PIK3C2A: variants seen among roughly 807,000 people sequenced by gnomAD.
PIK3C2A encodes phosphatidylinositol-4-phosphate 3-kinase catalytic subunit type 2 alpha, also known as phosphatidylinositol 4-phosphate 3-kinase C2 domain-containing subunit alpha.
Under a neutral mutation model 204.5 loss-of-function variants are expected in PIK3C2A, and 97 were observed. The observed-to-expected ratio is 0.47, with a 90% CI of 0.40 to 0.56. The LOEUF (loss-of-function observed/expected upper bound fraction) is 0.56, where lower values mean the gene tolerates loss of function less well. PIK3C2A is among the 20% of genes least tolerant of loss of function. PIK3C2A has a pLI of 0.00. For synonymous variants in PIK3C2A, 653 were observed against 664.4 expected (o/e 0.98, Z 0.26); for missense variants, 1,735 against 1,969.2 (o/e 0.88, Z 2.25).
intron 1 of PIK3C2A, among the ~76,000 whole-genome samples, chr11:17,187,503 C>G (rs1851794734): frequency 6.6e-6 from 1 of 152,020 alleles, no homozygotes. Context: ...CTTTCATCAC[C>G]CCATAAAGAA....
rs1040124929 is a variant in PIK3C2A, at chr11:17,169,169, T to C, written c.573A>G (p.Gly191=). 1.9e-6 allele frequency: 3 copies of C among 1,613,748 alleles called. No individual in the cohort carries two copies. The African/African-American group carries it at 4.0e-5, about 22-fold the overall frequency. ...AAGGATATGAGAAATATGGAGATTG[T>C]CCCGGAAGACTTAAATATATAGGTT... ...STEPIYLSLP[G]QSPYFSYPLT... Residue 191 remains glycine (G), a synonymous_variant, in exon 2 of 33, where the codon GGA becomes GGG. Transcript: ENST00000691414.
chr11:17,122,303 T>C lies in PIK3C2A; in HGVS notation c.2542A>G (p.Ile848Val), dbSNP rs758610305. Residue 848 changes from isoleucine (I) to valine (V), a missense_variant, in exon 15 of 33, where the codon ATT becomes GTT. By Grantham distance (29) the Ile-to-Val change is conservative. Coordinates refer to ENST00000691414, the MANE Select transcript of PIK3C2A (RefSeq NM_002645.4). ...CTGTCAACTTGAGGAGTTGTATAAA[T>C]AATATCAAATGCAGGAGAAGGAAAA... ...VDFPSPAFDIIYTTPQVDRSI... is the reference protein window; with the variant it reads ...VDFPSPAFDIVYTTPQVDRSI... 9 of 1,541,036 alleles carry C rather than the reference T, an allele frequency of 5.8e-6. No homozygotes were observed. The highest frequency in any genetic ancestry group is 1.1e-5 in the South Asian group (1 of 88,808).
chr11:17,096,696 G>A (rs1011776122), intron 27 of PIK3C2A, among the ~76,000 whole-genome samples: 6 of 152,170 alleles, frequency 3.9e-5, no homozygotes, highest in Admixed American at 1.3e-4. Flanking sequence ...CTACAGTCTC[G>A]AAGAGGAAAA....
chr11:17,163,137 C>A (rs1212449043), intron 2 of PIK3C2A, among the ~76,000 whole-genome samples: 1 of 152,222 alleles, frequency 6.6e-6, no homozygotes, highest in Non-Finnish European at 1.5e-5. Context: ...GTAACCCCAA[C>A]TCTACTAAAA....
intron 15 of PIK3C2A, 54 bp downstream of exon 15, chr11:17,122,134 T>G (rs1362780260): frequency 8.8e-7 from 1 of 1,142,410 alleles, no homozygotes; most frequent in Non-Finnish European, 1.3e-6. Flanking sequence ...AGTCCTAACT[T>G]GACTTTTACA....
At chr11:17,192,666 C>CA (rs1851982630) in intron 1 of PIK3C2A, among the ~76,000 whole-genome samples, 1 of 152,174 alleles carries the variant, frequency 6.6e-6, no homozygotes, top group Admixed American at 6.5e-5. Flanking sequence ...AGGATAGTCT[C>CA]AAACTCCTGA....
At chr11:17,092,392 T>C (rs1286740018) in intron 28 of PIK3C2A, 116 bp from the exon 29 acceptor site, 4 of 655,438 alleles carry the variant, frequency 6.1e-6, no homozygotes, top group Non-Finnish European at 1.1e-5. Context: ...TAAAGTAATA[T>C]TTTGTGGCCG....
rs745732640 is a variant in PIK3C2A at position 17,169,454 on chromosome 11, G to C, written c.288C>G (p.Thr96=). ...GCAATAGTTTCTCAAGTTCAGCTTG[G>C]GTGAGCTTTTCTACATCAATATCTA... ...RALDIDVEKL[T]QAELEKLLLD... is the part of the protein sequence containing the mutation. The change falls in exon 2 of 33, where the codon ACC becomes ACG. Residue 96 remains threonine, a synonymous_variant. Transcript: ENST00000691414. 1.2e-5 allele frequency: 19 copies of C among 1,613,966 alleles called. No homozygotes were observed. Among genetic ancestry groups the C allele is most frequent in the Non-Finnish European group, 1.5e-5 (18 of 1,180,014 alleles).
chr11:17,150,819 C>G (rs1202292482), intron 3 of PIK3C2A, among the ~76,000 whole-genome samples, 164 bp from the exon 4 acceptor site: 1 of 152,040 alleles, frequency 6.6e-6, no homozygotes, highest in Non-Finnish European at 1.5e-5. Flanking sequence ...CTCCAAATAC[C>G]AGCATTTTCC....
chr11:17,096,797 A>G lies in PIK3C2A; in HGVS notation c.4326+260T>C, dbSNP rs1429980839. ...TAGGAACTTTGACTTTTTACTTTAC[A>G]TACTTCTCTATTGATTAAATTTGTT... On this transcript the variant is annotated intron_variant, in intron 27 of 32. Coordinates refer to ENST00000691414, the MANE Select transcript of PIK3C2A (RefSeq NM_002645.4). Among the ~76,000 whole-genome samples, 10 of 152,208 alleles carry G rather than the reference A, an allele frequency of 6.6e-5. 1 individual carries two copies. The highest frequency in any genetic ancestry group is 4.6e-4 in the Admixed American group (7 of 15,272).
At chr11:17,194,088 C>A in intron 1 of PIK3C2A, 1 of 475,848 alleles carries the variant, frequency 2.1e-6, no homozygotes, top group South Asian at 6.2e-5. Context: ...GAGGTTAAGC[C>A]CAAGATCCCA....
In PIK3C2A at chr11:17,105,888, C is replaced by T. The variant is rs528554669; in HGVS notation, c.3545-583G>A. On this transcript the variant is annotated intron_variant, in intron 22 of 32. Coordinates refer to ENST00000691414, the MANE Select transcript of PIK3C2A (RefSeq NM_002645.4). ...CTCTGGGAGGCCGAGGTGGGTGGAT[C>T]ACTTGAGGTCAGGAGTTTGAGACCA... 8.5e-5 allele frequency among the ~76,000 whole-genome samples: 13 copies of T among 152,208 alleles called. No individual in the cohort carries two copies. The South Asian group carries it at 2.7e-3, about 32-fold the overall frequency.
intron 5 of PIK3C2A, among the ~76,000 whole-genome samples, chr11:17,147,864 G>A (rs1850295348): frequency 6.6e-6 from 1 of 152,088 alleles, no homozygotes; most frequent in Admixed American, 6.6e-5. Flanking sequence ...TCGGGACAGG[G>A]CATTTCTAGC....
At chr11:17,146,058 C>A in intron 6 of PIK3C2A, 116 bp from the exon 7 acceptor site, 1 of 640,604 alleles carries the variant, frequency 1.6e-6, no homozygotes, top group South Asian at 2.4e-5. Context: ...TTTCTGAGAA[C>A]TGAAAATAAA....
chr11:17,114,345 GT>G lies in PIK3C2A; in HGVS notation c.3321+15del. The G allele has an allele frequency of 8.4e-7, 1 of 1,188,006 alleles. No homozygotes were observed. The highest frequency in any genetic ancestry group is 1.3e-6 in the Non-Finnish European group (1 of 792,384). The allele number at this position is 1,188,006 out of a possible 1,614,324, so 73.6% of individuals were successfully genotyped here. Reference sequence around the variant, plus strand: ...TTTCAAATGTAATATGAACTTATAAGTATTTTATGTGTCACCTTAATATTTA... The same window carrying G: ...TTTCAAATGTAATATGAACTTATAAGATTTTATGTGTCACCTTAATATTTA... On this transcript the variant is annotated intron_variant, in intron 20 of 32. Transcript: ENST00000691414.
intron 8 of PIK3C2A, chr11:17,141,510 A>C (rs867556788): frequency 2.0e-5 from 3 of 152,186 alleles, no homozygotes; most frequent in South Asian, 2.1e-4. Context: ...AAAAAATACA[A>C]AGTTCCCATA....
chr11:17,107,777 A>G (rs1848873447), intron 22 of PIK3C2A, among the ~76,000 whole-genome samples: 1 of 152,254 alleles, frequency 6.6e-6, no homozygotes, highest in Non-Finnish European at 1.5e-5. Flanking sequence ...AAGTTGACCA[A>G]GGCTGCCAGG....
At chr11:17,133,319 G>GA (rs1849762482) in intron 11 of PIK3C2A, among the ~76,000 whole-genome samples, 1 of 151,946 alleles carries the variant, frequency 6.6e-6, no homozygotes, top group East Asian at 1.9e-4. Flanking sequence ...TCCCTGTAAT[G>GA]AAATACCTTC....
chr11:17,114,383 A>G lies in PIK3C2A; in HGVS notation c.3299T>C (p.Val1100Ala), dbSNP rs1415835531. 1 of 1,543,372 alleles carries G rather than the reference A, an allele frequency of 6.5e-7. No individual in the cohort carries two copies. Among genetic ancestry groups the G allele is most frequent in the South Asian group, 1.1e-5 (1 of 89,618 alleles). Residue 1100 changes from valine to alanine, a missense_variant, in exon 20 of 33, where the codon GTG (valine) becomes GCG (alanine). Val to Ala is a moderately conservative substitution (Grantham distance 64, BLOSUM62 0). Around this residue, in one of 6 missense-constraint regions of PIK3C2A, gnomAD observed 567 missense variants for 576.0 expected, o/e 0.98. Transcript: ENST00000691414. ...CACCTTAATATTTAATTCTTTTGCC[A>G]CTAGACTTGGCTTGAGAGGGAGACG... ...KCRLPLKPSL[V>A]AKELNIKSCS...
Sources: gnomAD v4.1 joint callset for allele counts (sites outside exome capture counted in the v4.1 genomes callset) on GRCh38, gnomAD v4.1.1 for gene constraint, gnomAD v4.1.1 regional missense constraint, MANE v1.5 for transcripts, NCBI Gene and HGNC (gene_info 2026-07-23, HGNC 2026-07-21) for gene names.